Variants in P2RX3 observed in about 807,000 individuals in gnomAD.
The protein encoded by P2RX3 is P2X purinoceptor 3.
A neutral mutation model predicts 51.5 loss-of-function variants in P2RX3; 41 were observed. That is an observed-to-expected ratio of 0.80 (90% CI 0.62 to 1.03). The LOEUF (loss-of-function observed/expected upper bound fraction) is 1.03. Among genes scored for constraint, P2RX3 ranks in the 50% least tolerant of loss-of-function variants. The probability of loss-of-function intolerance (pLI) is 0.00; values close to 1 mark genes in which losing one functional copy is unlikely to be tolerated. For synonymous variants in P2RX3, 185 were observed against 191.6 expected (o/e 0.97, Z 0.29); for missense variants, 459 against 522.1 (o/e 0.88, Z 1.18).
At chr11:57,344,036 GAAGAA>G (rs759673154) in intron 1 of P2RX3, among the ~76,000 whole-genome samples, 16 of 151,936 alleles carry the variant, frequency 1.1e-4, no homozygotes, top group African/African-American at 3.9e-4. Context: ...TCCAAAAAAA[GAAGAA>G]AAGAAAAGTG....
chr11:57,359,495 C>G (rs1856683196), intron 8 of P2RX3, among the ~76,000 whole-genome samples: 1 of 152,214 alleles, frequency 6.6e-6, no homozygotes, highest in African/African-American at 2.4e-5. Context: ...AGAGGAGCCC[C>G]CGACCCTGAA....
In P2RX3 at chr11:57,347,475, G is replaced by T. The variant is rs1383609868; in HGVS notation, c.388G>T (p.Gly130Trp). Residue 130 changes from glycine to tryptophan, a missense_variant, in exon 4 of 12, where the codon GGG becomes TGG. By Grantham distance (184) the Gly-to-Trp change is radical. Transcript: ENST00000263314. ...SQCGPERLPG[G>W]GILTGRCVNY... ...GTGCGGGCCTGAGCGCTTGCCAGGT[G>T]GGGGTGAGTCCAGCCCCTTACCCAC... 6.4e-7 allele frequency: 1 copy of T among 1,555,796 alleles called. No individual in the cohort carries two copies. The highest frequency in any genetic ancestry group is 8.7e-7 in the Non-Finnish European group (1 of 1,149,420).
At chr11:57,347,362 C>T in intron 3 of P2RX3, 53 bp from the exon 4 acceptor site, 1 of 1,543,848 alleles carries the variant, frequency 6.5e-7, no homozygotes, top group Non-Finnish European at 8.8e-7. Context: ...AGTCGCGGAG[C>T]TCACCAGGCC....
At chr11:57,354,685 G>T (rs1286736326) in intron 8 of P2RX3, among the ~76,000 whole-genome samples, 1 of 152,016 alleles carries the variant, frequency 6.6e-6, no homozygotes, top group Admixed American at 6.6e-5. Context: ...GTGAGAGTGG[G>T]TGTATTTGTT....
intron 1 of P2RX3, among the ~76,000 whole-genome samples, chr11:57,342,813 C>A (rs1215584075): frequency 1.3e-5 from 2 of 151,706 alleles, no homozygotes; most frequent in East Asian, 3.9e-4. Flanking sequence ...TCCTAAGAGA[C>A]CCCTCTCCTC....
intron 7 of P2RX3, 110 bp downstream of exon 7, chr11:57,350,008 C>T: frequency 6.7e-7 from 1 of 1,487,120 alleles, no homozygotes; most frequent in Non-Finnish European, 9.1e-7. Flanking sequence ...GAGACAGCGC[C>T]ACCTGGTGGA....
intron 1 of P2RX3, among the ~76,000 whole-genome samples, chr11:57,342,531 C>T (rs966991801): frequency 1.6e-4 from 25 of 152,118 alleles, no homozygotes; most frequent in African/African-American, 6.0e-4. Flanking sequence ...CCCTCTCCCC[C>T]AATATGGAAC....
chr11:57,361,286 CT>C (rs932909451), intron 8 of P2RX3, among the ~76,000 whole-genome samples: 328 of 146,356 alleles, frequency 2.2e-3, no homozygotes, highest in Middle Eastern at 3.6e-3. Context: ...TTGAGGGTCA[CT>C]TTTTTTTTTT....
intron 8 of P2RX3, among the ~76,000 whole-genome samples, chr11:57,364,188 CA>C (rs955789005): frequency 3.3e-5 from 5 of 152,196 alleles, no homozygotes; most frequent in African/African-American, 1.2e-4. Flanking sequence ...CACCCCTGCC[CA>C]CTACCCATGG....
In P2RX3 at chr11:57,338,626, A is replaced by C. The variant is rs1212753871; in HGVS notation, c.76A>C (p.Ile26Leu). 5 of 1,596,978 alleles carry C rather than the reference A, an allele frequency of 3.1e-6. 1 individual carries two copies. Among genetic ancestry groups the C allele is most frequent in the Non-Finnish European group, 4.3e-6 (5 of 1,166,048 alleles). The change falls in exon 1 of 12, where the codon ATC (isoleucine) becomes CTC (leucine). Residue 26 changes from isoleucine to leucine, a missense_variant. Coordinates refer to ENST00000263314, the MANE Select transcript of P2RX3 (RefSeq NM_002559.5). ...VVVKSWTIGI[I>L]NRVVQLLIIS... Reference sequence around the variant, plus strand: ...TGTGAAGAGCTGGACCATCGGGATCATCAACCGAGTAGTTCAGCTTCTGAT... The same window carrying C: ...TGTGAAGAGCTGGACCATCGGGATCCTCAACCGAGTAGTTCAGCTTCTGAT...
chr11:57,349,647 G>T, intron 6 of P2RX3, 110 bp from the exon 7 acceptor site: 2 of 1,369,526 alleles, frequency 1.5e-6, no homozygotes, highest in South Asian at 1.3e-5. Context: ...CCAGATGAAG[G>T]CTGAGGGCTC....
intron 8 of P2RX3, among the ~76,000 whole-genome samples, chr11:57,359,793 C>A (rs959656793): frequency 6.6e-6 from 1 of 152,232 alleles, no homozygotes; most frequent in Non-Finnish European, 1.5e-5. Context: ...GTGCCCCTTG[C>A]AGGCAGAGTA....
At chr11:57,369,272 G>T in intron 10 of P2RX3, 89 bp from the exon 11 acceptor site, 3 of 1,103,270 alleles carry the variant, frequency 2.7e-6, no homozygotes, top group South Asian at 1.4e-5. Flanking sequence ...GCAGCTTGGG[G>T]GTGCTGCCCG....
chr11:57,368,464 C>T (rs763418607), intron 10 of P2RX3, 27 bp downstream of exon 10: 24 of 1,613,188 alleles, frequency 1.5e-5, no homozygotes, highest in Non-Finnish European at 1.5e-5. Context: ...CACGCTCTGA[C>T]GGGCCAGTCA....
In P2RX3 at chr11:57,368,073, A is replaced by T. The variant is rs201225476; in HGVS notation, c.907A>T (p.Ile303Phe). ...CCGCACCCTCCTGAAGGCTTTTGGC[A>T]TCCGCTTCGACGTGCTGGTATACGG... ...EYRTLLKAFG[I>F]RFDVLVYGNA... The change falls in exon 9 of 12, where the codon ATC becomes TTC. Residue 303 changes from isoleucine (I) to phenylalanine (F), a missense_variant. Transcript: ENST00000263314. 1.1e-4 allele frequency: 183 copies of T among 1,614,150 alleles called. No individual in the cohort carries two copies. Among genetic ancestry groups the T allele is most frequent in the Non-Finnish European group, 1.5e-4 (182 of 1,180,024 alleles).
At chr11:57,346,739 G>C in intron 2 of P2RX3, 60 bp downstream of exon 2, 1 of 1,588,570 alleles carries the variant, frequency 6.3e-7, no homozygotes, top group Non-Finnish European at 8.6e-7. Flanking sequence ...GGTTGGAAGG[G>C]AGAAAGCGAG....
intron 5 of P2RX3, 74 bp from the exon 6 acceptor site, chr11:57,348,553 G>A: frequency 7.7e-7 from 1 of 1,294,508 alleles, no homozygotes; most frequent in East Asian, 2.3e-5. Context: ...ACCAGGAAAG[G>A]TCGCCCTCAG....
At chr11:57,342,300 C>T (rs1239245481) in intron 1 of P2RX3, among the ~76,000 whole-genome samples, 1 of 151,948 alleles carries the variant, frequency 6.6e-6, no homozygotes, top group East Asian at 1.9e-4. Flanking sequence ...GCTGGGATTA[C>T]AGGCCTGTGC....
At chr11:57,352,022 G>A (rs1281486823) in intron 8 of P2RX3, among the ~76,000 whole-genome samples, 2 of 151,990 alleles carry the variant, frequency 1.3e-5, no homozygotes, top group Non-Finnish European at 2.9e-5. Context: ...AATAGGGAGT[G>A]ACCAGGGGAA....
Sources: allele counts gnomAD v4.1 joint callset (sites outside exome capture counted in the v4.1 genomes callset), GRCh38; gene constraint gnomAD v4.1.1; transcripts MANE v1.5; gene names NCBI Gene and HGNC (gene_info 2026-07-23, HGNC 2026-07-21).